SH3GL3: variants seen among roughly 807,000 people sequenced by gnomAD.
SH3GL3 encodes SH3 domain containing GRB2 like 3, endophilin A3, also known as endophilin-A3.
A neutral mutation model predicts 47.7 loss-of-function variants in SH3GL3; 33 were observed. The observed-to-expected ratio is 0.69, with a 90% confidence interval of 0.52 to 0.92. The LOEUF (loss-of-function observed/expected upper bound fraction) is 0.92. Ranked by LOEUF, SH3GL3 falls within the 40% of genes least tolerant of loss-of-function variation. SH3GL3 has a pLI of 0.00. For missense variants in SH3GL3, 363 were observed against 417.8 expected, an observed-to-expected ratio of 0.87 and a Z score of 1.14; for synonymous variants, 155 against 148.8, an observed-to-expected ratio of 1.04 and a Z score of -0.30.
At chr15:83,471,649 C>T (rs2040833748) in intron 1 of SH3GL3, among the ~76,000 whole-genome samples, 1 of 152,216 alleles carries the variant, frequency 6.6e-6, no homozygotes, top group Non-Finnish European at 1.5e-5. Flanking sequence ...GTCTCTGAAC[C>T]TCTTCTGGTT....
the SH3GL3 span, among the ~76,000 whole-genome samples, chr15:83,627,009 C>T: frequency 6.6e-6 from 1 of 152,308 alleles, no homozygotes; most frequent in Non-Finnish European, 1.5e-5. Context: ...CCCTCTGTGG[C>T]TCTAATTCTC....
At chr15:83,610,034 C>G (rs929531644) in intron 8 of SH3GL3, among the ~76,000 whole-genome samples, 1 of 152,208 alleles carries the variant, frequency 6.6e-6, no homozygotes, top group African/African-American at 2.4e-5. Context: ...GACTAAGTGC[C>G]TGGAAGTTAT....
At chr15:83,475,379 C>T (rs1295761492) in intron 1 of SH3GL3, among the ~76,000 whole-genome samples, 5 of 151,566 alleles carry the variant, frequency 3.3e-5, no homozygotes, top group African/African-American at 4.8e-5. Flanking sequence ...CTCGGGAGGC[C>T]GAGACAGGAG....
chr15:83,613,629 A>G (rs1161451065), intron 8 of SH3GL3, among the ~76,000 whole-genome samples: 9 of 90,144 alleles, frequency 1.0e-4, no homozygotes, highest in African/African-American at 3.5e-4. Context: ...AAATCTATCT[A>G]TCTATCTATC....
chr15:83,499,500 T>C (rs905957258), intron 1 of SH3GL3, among the ~76,000 whole-genome samples: 2 of 152,156 alleles, frequency 1.3e-5, no homozygotes, highest in Non-Finnish European at 2.9e-5. Context: ...TCTGTTAATT[T>C]CCCTTAAACA....
intron 1 of SH3GL3, among the ~76,000 whole-genome samples, chr15:83,504,507 C>G (rs1458886264): frequency 2.0e-5 from 3 of 152,238 alleles, no homozygotes; most frequent in African/African-American, 7.2e-5. Context: ...CTTGGGCTTG[C>G]TCACTCTCTC....
intron 1 of SH3GL3, among the ~76,000 whole-genome samples, chr15:83,553,944 T>G (rs562943631): frequency 9.7e-4 from 147 of 152,316 alleles, no homozygotes; most frequent in African/African-American, 3.4e-3. Context: ...TTTTATTTCC[T>G]TGATGTAATA....
chr15:83,576,536 G>A (rs766026484), intron 5 of SH3GL3, 47 bp from the exon 6 acceptor site: 31 of 1,524,802 alleles, frequency 2.0e-5, no homozygotes, highest in Non-Finnish European at 2.7e-5. Context: ...TTTGTGCCAG[G>A]TTTTGAATGT....
In SH3GL3 at chr15:83,528,691, T is replaced by C. The variant is rs534381883; in HGVS notation, c.46-30562T>C. Among the ~76,000 whole-genome samples the C allele has an allele frequency of 3.9e-5, 6 of 152,324 alleles. No individual in the cohort carries two copies. The South Asian group carries it at 1.0e-3, about 26-fold the overall frequency. The stretch of plus-strand genomic sequence containing the variant: ...ATCTGTCTCTTTAGTGAATTTCTCA[T>C]TCACATTCTGAATTGTTTTTCTGGT... On this transcript the variant is annotated intron_variant, in intron 1 of 8. Transcript: ENST00000427482.
chr15:83,489,894 A>T (rs1376626646), intron 1 of SH3GL3, among the ~76,000 whole-genome samples: 2 of 151,746 alleles, frequency 1.3e-5, no homozygotes, highest in Non-Finnish European at 2.9e-5. Context: ...TAGATAATAG[A>T]TAGATAGATA....
chr15:83,531,395 T>C (rs1405541116), intron 1 of SH3GL3, among the ~76,000 whole-genome samples: 1 of 152,136 alleles, frequency 6.6e-6, no homozygotes, highest in Non-Finnish European at 1.5e-5. Flanking sequence ...AGGAGTTAGC[T>C]ATATGGAAAA....
intron 1 of SH3GL3, among the ~76,000 whole-genome samples, chr15:83,512,200 G>A (rs187679271): frequency 6.6e-6 from 1 of 152,156 alleles, no homozygotes; most frequent in Admixed American, 6.5e-5. Flanking sequence ...AACTCTTATT[G>A]CCAAGGTCTT....
intron 4 of SH3GL3, among the ~76,000 whole-genome samples, chr15:83,570,523 C>T: frequency 6.6e-6 from 1 of 152,030 alleles, no homozygotes; most frequent in East Asian, 1.9e-4. Flanking sequence ...TTAAAAAAGT[C>T]ATTAAATTTT....
chr15:83,631,208 C>A, the SH3GL3 span, among the ~76,000 whole-genome samples: 1 of 152,212 alleles, frequency 6.6e-6, no homozygotes, highest in East Asian at 1.9e-4. Flanking sequence ...CAGCCTTGGG[C>A]AGCTCCATCC....
At chr15:83,631,202 C>G in the SH3GL3 span, among the ~76,000 whole-genome samples, 1 of 152,226 alleles carries the variant, frequency 6.6e-6, no homozygotes, top group Non-Finnish European at 1.5e-5. Context: ...CTCCCACAGC[C>G]TTGGGCAGCT....
chr15:83,549,127 T>A (rs1440713280), intron 1 of SH3GL3, among the ~76,000 whole-genome samples: 1 of 152,212 alleles, frequency 6.6e-6, no homozygotes, highest in Non-Finnish European at 1.5e-5. Flanking sequence ...TTTTATGTAT[T>A]CCAATTTTTG....
intron 1 of SH3GL3, among the ~76,000 whole-genome samples, chr15:83,526,622 C>T (rs993523991): frequency 1.3e-5 from 2 of 152,058 alleles, no homozygotes; most frequent in African/African-American, 4.8e-5. Context: ...GATGAGAACA[C>T]ATGGACTCTT....
intron 1 of SH3GL3, among the ~76,000 whole-genome samples, chr15:83,475,321 TA>T (rs2041045017): frequency 6.6e-6 from 1 of 151,656 alleles, no homozygotes; most frequent in Non-Finnish European, 1.5e-5. Flanking sequence ...CTACTAAAAA[TA>T]TAAAAAATTA....
At chr15:83,565,389 A>G (rs1264199192) in intron 3 of SH3GL3, 183 bp downstream of exon 3, 1 of 564,828 alleles carries the variant, frequency 1.8e-6, no homozygotes, top group Non-Finnish European at 3.1e-6. Flanking sequence ...GATGAGAAAG[A>G]GAACAGCTAT....
Sources: gnomAD v4.1 joint callset for allele counts (sites outside exome capture counted in the v4.1 genomes callset) on GRCh38, gnomAD v4.1.1 for gene constraint, MANE v1.5 for transcripts, NCBI Gene and HGNC (gene_info 2026-07-23, HGNC 2026-07-21) for gene names.